CTNND2: variants seen among roughly 807,000 people sequenced by gnomAD.
CTNND2 encodes the protein catenin delta-2.
Under a neutral mutation model 144.4 loss-of-function variants are expected in CTNND2, and 22 were observed. The observed-to-expected ratio is 0.15, with a 90% CI of 0.11 to 0.22. The LOEUF is 0.22. Ranked by LOEUF, CTNND2 falls within the 10% of genes least tolerant of loss-of-function variation. The pLI, the probability that CTNND2 is intolerant of heterozygous loss-of-function variation, is 1.00. For synonymous variants in CTNND2, 751 were observed against 695.6 expected (o/e 1.08, Z -1.25); for missense variants, 1,353 against 1,618.8 (o/e 0.84, Z 2.82).
chr5:11,387,072 T>C (rs957808800), intron 6 of CTNND2, among the ~76,000 whole-genome samples: 1 of 152,064 alleles, frequency 6.6e-6, no homozygotes, highest in African/African-American at 2.4e-5. Flanking sequence ...AAAATCTCAA[T>C]ACTCATGACT....
intron 9 of CTNND2, among the ~76,000 whole-genome samples, chr5:11,295,779 T>C (rs1055131890): frequency 1.6e-4 from 24 of 152,274 alleles, no homozygotes; most frequent in African/African-American, 5.5e-4. Flanking sequence ...TGCCTAGCCA[T>C]ATGTAGAAAG....
intron 18 of CTNND2, among the ~76,000 whole-genome samples, chr5:11,001,569 G>T (rs377638320): frequency 6.6e-6 from 1 of 152,062 alleles, no homozygotes; most frequent in African/African-American, 2.4e-5. Context: ...CAATTTCACA[G>T]GTTTTATAGC....
At chr5:11,414,316 G>A (rs1761759899) in intron 3 of CTNND2, among the ~76,000 whole-genome samples, 1 of 152,192 alleles carries the variant, frequency 6.6e-6, no homozygotes, top group East Asian at 1.9e-4. Flanking sequence ...ACCCAGTTGT[G>A]GTAATTTGTT....
At chr5:11,644,724 G>A (rs1197737418) in intron 2 of CTNND2, among the ~76,000 whole-genome samples, 2 of 151,684 alleles carry the variant, frequency 1.3e-5, no homozygotes, top group African/African-American at 2.4e-5. Flanking sequence ...TAATCCTGCT[G>A]GTTTTACAAA....
intron 6 of CTNND2, 123 bp from the exon 7 acceptor site, chr5:11,385,352 C>G (rs1758975585): frequency 1.8e-6 from 1 of 571,358 alleles, no homozygotes; most frequent in Non-Finnish European, 2.2e-6. Context: ...GGCGGCTCTG[C>G]GATCCCAGCT....
chr5:11,461,405 C>T (rs773862301), intron 3 of CTNND2, among the ~76,000 whole-genome samples: 19 of 152,160 alleles, frequency 1.2e-4, no homozygotes, highest in Non-Finnish European at 1.8e-4. Flanking sequence ...GAAAATTAGG[C>T]CAGGTAGGAC....
chr5:11,637,938 G>A (rs971054435), intron 2 of CTNND2, among the ~76,000 whole-genome samples: 2 of 152,092 alleles, frequency 1.3e-5, no homozygotes, highest in African/African-American at 2.4e-5. Flanking sequence ...TTAAGAAAAC[G>A]AATACCGTAT....
chr5:11,528,245 C>T (rs1002411653), intron 3 of CTNND2, among the ~76,000 whole-genome samples: 14 of 151,950 alleles, frequency 9.2e-5, no homozygotes, highest in African/African-American at 2.9e-4. Flanking sequence ...GGAGACAAGC[C>T]GCACAGGTCA....
At chr5:11,637,700 A>G (rs940692983) in intron 2 of CTNND2, among the ~76,000 whole-genome samples, 4 of 152,180 alleles carry the variant, frequency 2.6e-5, no homozygotes, top group African/African-American at 9.7e-5. Context: ...AGCAACATCA[A>G]TCTTCTCAAC....
chr5:11,323,241 G>A (rs1752220054), intron 9 of CTNND2, among the ~76,000 whole-genome samples: 1 of 140,168 alleles, frequency 7.1e-6, no homozygotes, highest in Non-Finnish European at 1.6e-5. Context: ...TGGGGGGGGG[G>A]GTCTCACTAT....
intron 2 of CTNND2, among the ~76,000 whole-genome samples, chr5:11,728,760 G>A (rs929725853): frequency 1.3e-5 from 2 of 152,040 alleles, no homozygotes; most frequent in African/African-American, 4.8e-5. Context: ...TCTGGGGTTT[G>A]ATAATATATT....
At chr5:11,118,864 A>AGTGT (rs1753812054) in intron 12 of CTNND2, among the ~76,000 whole-genome samples, 1 of 152,192 alleles carries the variant, frequency 6.6e-6, no homozygotes. Context: ...CCACACAGTA[A>AGTGT]GTGTGTCTCT....
At chr5:11,690,504 C>G (rs561987035) in intron 2 of CTNND2, among the ~76,000 whole-genome samples, 36 of 151,774 alleles carry the variant, frequency 2.4e-4, no homozygotes, top group African/African-American at 8.5e-4. Context: ...GAGGCCGAGG[C>G]GGGTGGATCA....
At chr5:11,047,112 T>C (rs1745341414) in intron 16 of CTNND2, among the ~76,000 whole-genome samples, 2 of 152,156 alleles carry the variant, frequency 1.3e-5, no homozygotes, top group South Asian at 4.1e-4. Context: ...TGACCGTGAG[T>C]GCCTCTGTGA....
At chr5:11,760,617 T>G (rs139749647) in intron 1 of CTNND2, among the ~76,000 whole-genome samples, 34 of 152,234 alleles carry the variant, frequency 2.2e-4, no homozygotes, top group African/African-American at 8.2e-4. Flanking sequence ...TTAAAATACT[T>G]CAAAAGTTTC....
At chr5:11,851,464 G>T (rs573106550) in intron 1 of CTNND2, among the ~76,000 whole-genome samples, 3 of 152,148 alleles carry the variant, frequency 2.0e-5, no homozygotes, top group Non-Finnish European at 4.4e-5. Context: ...TTTCCTAGAG[G>T]AATTTGCTGA....
intron 16 of CTNND2, among the ~76,000 whole-genome samples, chr5:11,053,860 C>G (rs999556681): frequency 6.6e-6 from 1 of 152,148 alleles, no homozygotes; most frequent in East Asian, 1.9e-4. Context: ...CTTCATTGTT[C>G]CATTATTTAC....
At chr5:11,899,804 G>T (rs989663964) in intron 1 of CTNND2, among the ~76,000 whole-genome samples, 4 of 152,146 alleles carry the variant, frequency 2.6e-5, no homozygotes, top group African/African-American at 9.7e-5. Context: ...GTTAACAACT[G>T]AGGATCACAT....
intron 12 of CTNND2, among the ~76,000 whole-genome samples, chr5:11,139,733 C>T (rs1756525631): frequency 6.6e-6 from 1 of 152,222 alleles, no homozygotes; most frequent in African/African-American, 2.4e-5. Context: ...CCTCCTGCTG[C>T]TGTAACAAAT....
Sources: allele counts gnomAD v4.1 joint callset (sites outside exome capture counted in the v4.1 genomes callset), GRCh38; gene constraint gnomAD v4.1.1; transcripts MANE v1.5; gene names NCBI Gene and HGNC (gene_info 2026-07-23, HGNC 2026-07-21).